Variants in TBC1D5 observed in about 807,000 individuals in gnomAD.
TBC1D5 encodes TBC1 domain family member 5.
In TBC1D5, 75 loss-of-function variants were observed where a neutral mutation model predicts 100.3. The observed-to-expected ratio is 0.75, with a 90% CI of 0.62 to 0.91. The LOEUF is 0.91. Ranked by LOEUF, TBC1D5 falls within the 40% of genes least tolerant of loss-of-function variation. The probability of loss-of-function intolerance (pLI) is 0.00; values close to 1 mark genes in which losing one functional copy is unlikely to be tolerated. For synonymous variants in TBC1D5, 323 were observed against 325.6 expected (o/e 0.99, Z 0.09); for missense variants, 910 against 942.4 (o/e 0.97, Z 0.45).
At chr3:17,197,533 A>G (rs919946442) in intron 18 of TBC1D5, among the ~76,000 whole-genome samples, 1 of 152,060 alleles carries the variant, frequency 6.6e-6, no homozygotes, top group African/African-American at 2.4e-5. Flanking sequence ...TGTGCCACCA[A>G]GCCCAGCTAA....
At chr3:17,189,227 T>C (rs2069554496) in intron 18 of TBC1D5, among the ~76,000 whole-genome samples, 1 of 152,192 alleles carries the variant, frequency 6.6e-6, no homozygotes, top group African/African-American at 2.4e-5. Context: ...GTTAAGACAG[T>C]GAAATGGATT....
At chr3:17,191,064 C>T (rs1290849458) in intron 18 of TBC1D5, among the ~76,000 whole-genome samples, 1 of 151,992 alleles carries the variant, frequency 6.6e-6, no homozygotes, top group African/African-American at 2.4e-5. Context: ...GAGGAAGATA[C>T]CACCAGAAAA....
intron 4 of TBC1D5, among the ~76,000 whole-genome samples, chr3:17,407,664 T>C (rs574373513): frequency 6.6e-6 from 1 of 152,234 alleles, no homozygotes; most frequent in East Asian, 1.9e-4. Flanking sequence ...ACAAAATGCA[T>C]CTTCTCCAGA....
chr3:17,378,365 C>T (rs2092793704), intron 9 of TBC1D5, among the ~76,000 whole-genome samples: 1 of 151,794 alleles, frequency 6.6e-6, no homozygotes, highest in Non-Finnish European at 1.5e-5. Flanking sequence ...ATATAAAAAT[C>T]ACTCTCTCAC....
chr3:17,425,032 A>G (rs1442203424), intron 4 of TBC1D5, among the ~76,000 whole-genome samples: 1 of 152,182 alleles, frequency 6.6e-6, no homozygotes, highest in Non-Finnish European at 1.5e-5. Context: ...CTAACAGACA[A>G]AACATTTATT....
chr3:17,333,582 A>G (rs1368811666), intron 13 of TBC1D5, among the ~76,000 whole-genome samples: 1 of 152,178 alleles, frequency 6.6e-6, no homozygotes, highest in Admixed American at 6.6e-5. Context: ...GCAAGATCCA[A>G]TGCTTAAGCA....
intron 16 of TBC1D5, among the ~76,000 whole-genome samples, chr3:17,238,840 G>C (rs916542515): frequency 6.6e-6 from 1 of 152,172 alleles, no homozygotes; most frequent in South Asian, 2.1e-4. Context: ...CCTCACAGAA[G>C]GGGGCATCTA....
At chr3:17,466,974 TA>T (rs2095310912) in intron 3 of TBC1D5, among the ~76,000 whole-genome samples, 1 of 152,074 alleles carries the variant, frequency 6.6e-6, no homozygotes, top group African/African-American at 2.4e-5. Flanking sequence ...TAGTATTTTC[TA>T]AAATAAAGGA....
intron 18 of TBC1D5, among the ~76,000 whole-genome samples, chr3:17,190,217 A>G (rs545897011): frequency 2.6e-5 from 4 of 152,336 alleles, no homozygotes; most frequent in African/African-American, 9.6e-5. Context: ...GAGAAATACA[A>G]TAATGACTAA....
At position 17,664,641 on chromosome 3, in the gene TBC1D5, C is replaced by T. The variant is rs549504036; in HGVS notation, c.-100-40728G>A. On this transcript the variant is annotated intron_variant, in intron 1 of 21. Transcript: ENST00000253692. ...GGACAATTTGCATTTCAGCTTTCTTCTCATCCCAAAAATGATTTAGTATAA... is the reference window on the plus strand; with the variant it reads ...GGACAATTTGCATTTCAGCTTTCTTTTCATCCCAAAAATGATTTAGTATAA... Among the ~76,000 whole-genome samples the T allele has an allele frequency of 3.5e-3, 532 of 152,230 alleles. 4 individuals are homozygous for T. The highest frequency in any genetic ancestry group is 0.012 in the African/African-American group (504 of 41,534).
intron 18 of TBC1D5, among the ~76,000 whole-genome samples, chr3:17,204,707 T>C (rs894201100): frequency 6.6e-6 from 1 of 152,104 alleles, no homozygotes; most frequent in African/African-American, 2.4e-5. Flanking sequence ...GTGATTCTGC[T>C]TTCACAGCCT....
intron 8 of TBC1D5, among the ~76,000 whole-genome samples, chr3:17,392,397 G>A (rs1025211844): frequency 4.6e-5 from 7 of 151,664 alleles, no homozygotes; most frequent in Non-Finnish European, 8.8e-5. Flanking sequence ...TTTAAGTTCC[G>A]GGAAACGTGT....
chr3:17,234,110 T>A (rs928341690), intron 17 of TBC1D5, among the ~76,000 whole-genome samples: 8 of 152,102 alleles, frequency 5.3e-5, no homozygotes, highest in Non-Finnish European at 8.8e-5. Flanking sequence ...GTCATTTATT[T>A]AAAAATAGGC....
At chr3:17,232,346 C>T (rs939664099) in intron 17 of TBC1D5, among the ~76,000 whole-genome samples, 6 of 152,148 alleles carry the variant, frequency 3.9e-5, no homozygotes, top group Non-Finnish European at 7.4e-5. Context: ...GACAACAACA[C>T]ACATGTTAAA....
intron 17 of TBC1D5, among the ~76,000 whole-genome samples, chr3:17,222,734 A>T (rs985491571): frequency 2.0e-5 from 3 of 151,324 alleles, no homozygotes; most frequent in African/African-American, 7.3e-5. Context: ...CATCCTGCTT[A>T]TGGGATTTTT....
chr3:17,403,829 G>C (rs1222714985), intron 7 of TBC1D5, among the ~76,000 whole-genome samples: 1 of 152,064 alleles, frequency 6.6e-6, no homozygotes, highest in Non-Finnish European at 1.5e-5. Flanking sequence ...TATATAAAGT[G>C]AACAATACTT....
At chr3:17,366,278 C>G (rs1435861486) in intron 13 of TBC1D5, among the ~76,000 whole-genome samples, 1 of 151,022 alleles carries the variant, frequency 6.6e-6, no homozygotes, top group Non-Finnish European at 1.5e-5. Context: ...AGTGACAGAG[C>G]GAGACCCCCT....
chr3:17,274,587 G>T (rs1326777173), intron 15 of TBC1D5, among the ~76,000 whole-genome samples: 2 of 152,080 alleles, frequency 1.3e-5, no homozygotes, highest in African/African-American at 4.8e-5. Flanking sequence ...CCTCTTTCTT[G>T]GGTTTACGAA....
intron 16 of TBC1D5, among the ~76,000 whole-genome samples, chr3:17,245,601 G>A (rs936432546): frequency 2.6e-5 from 4 of 152,160 alleles, no homozygotes; most frequent in Non-Finnish European, 5.9e-5. Context: ...AAGAGTAGAC[G>A]TAAGCTAGAC....
Sources: gnomAD v4.1 joint callset for allele counts (sites outside exome capture counted in the v4.1 genomes callset) on GRCh38, gnomAD v4.1.1 for gene constraint, MANE v1.5 for transcripts, NCBI Gene and HGNC (gene_info 2026-07-23, HGNC 2026-07-21) for gene names.